The following DDX18 variants were observed in gnomAD, a reference collection of about 807,000 sequenced individuals.
DDX18 encodes the protein DEAD-box helicase 18, also known as ATP-dependent RNA helicase DDX18.
In DDX18, 23 loss-of-function variants were observed where a neutral mutation model predicts 73.5. The observed-to-expected ratio is 0.31, with a 90% CI of 0.23 to 0.44. The LOEUF is 0.44. Among genes scored for constraint, DDX18 ranks in the 20% least tolerant of loss-of-function variants. DDX18 has a pLI of 1.00. For missense variants in DDX18, 753 were observed against 792.9 expected (o/e 0.95, Z 0.60); for synonymous variants, 268 against 282.7 (o/e 0.95, Z 0.52).
At position 117,821,742 on chromosome 2, in the gene DDX18, C is replaced by G. The variant is rs769862731; in HGVS notation, c.743C>G (p.Pro248Arg). Reference sequence around the variant, plus strand: ...CTCATTGTTAAGTTAAGGTTCATGCCCAGGAATGGTAAGCGTTCATCTGCT... The same window carrying G: ...CTCATTGTTAAGTTAAGGTTCATGCGCAGGAATGGTAAGCGTTCATCTGCT... ...VELIVKLRFMPRNGTGVLILS... is the reference protein window; with the variant it reads ...VELIVKLRFMRRNGTGVLILS... Residue 248 changes from proline to arginine, a missense_variant, in exon 5 of 14, where the codon CCC (proline) becomes CGC (arginine). Physicochemically the swap from Pro to Arg is moderately radical, Grantham distance 103. Coordinates refer to ENST00000263239, the MANE Select transcript of DDX18 (RefSeq NM_006773.4). The G allele has an allele frequency of 1.2e-6, 2 of 1,613,850 alleles. No homozygotes were observed. The highest frequency in any genetic ancestry group is 1.7e-5 in the Admixed American group (1 of 59,972).
intron 7 of DDX18, 98 bp downstream of exon 7, chr2:117,822,359 C>T: frequency 4.5e-6 from 4 of 889,742 alleles, no homozygotes; most frequent in South Asian, 3.0e-5. Context: ...AGAACTTTAC[C>T]ATAGCCAAGT....
At chr2:117,830,356 T>C (rs1680000674) in intron 13 of DDX18, among the ~76,000 whole-genome samples, 1 of 152,224 alleles carries the variant, frequency 6.6e-6, no homozygotes, top group Admixed American at 6.5e-5. Context: ...AATATGACTA[T>C]TACACACCGA....
intron 1 of DDX18, among the ~76,000 whole-genome samples, chr2:117,815,533 G>A (rs1679743063): frequency 6.6e-6 from 1 of 152,170 alleles, no homozygotes; most frequent in African/African-American, 2.4e-5. Context: ...TCCAGGTTAA[G>A]ATACAAACTC....
In DDX18 at chr2:117,815,520, T is replaced by G. The variant is rs182701334; in HGVS notation, c.85+658T>G. On this transcript the variant is annotated intron_variant, in intron 1 of 13. Coordinates refer to ENST00000263239, the MANE Select transcript of DDX18 (RefSeq NM_006773.4). ...ATCTTGAAGTAATTGTGTTAACCTG[T>G]TGTCCAGGTTAAGATACAAACTCCC... 3.5e-4 allele frequency among the ~76,000 whole-genome samples: 54 copies of G among 152,318 alleles called. 1 individual carries two copies. Among genetic ancestry groups the G allele is most frequent in the Non-Finnish European group, 6.9e-4 (47 of 68,032 alleles).
intron 7 of DDX18, among the ~76,000 whole-genome samples, chr2:117,822,989 T>C (rs1290772835): frequency 5.3e-5 from 8 of 152,202 alleles, no homozygotes; most frequent in Non-Finnish European, 1.2e-4. Flanking sequence ...AGTTGGTATA[T>C]GTTTAGTGTA....
intron 11 of DDX18, chr2:117,827,108 C>G (rs907938084): frequency 6.6e-6 from 1 of 152,288 alleles, no homozygotes; most frequent in African/African-American, 2.4e-5. Flanking sequence ...CCTTCTCCTG[C>G]CTGACATTTA....
rs766692355 is a variant in DDX18 at position 117,828,939 on chromosome 2, T to G, written c.1636-10T>G. ...CCTGGTTTACTAATCTTAATACTTTTGATTTCTAGGTTCCATTAAGTGAAT... is the reference window on the plus strand; with the variant it reads ...CCTGGTTTACTAATCTTAATACTTTGGATTTCTAGGTTCCATTAAGTGAAT... On this transcript the variant is annotated splice_polypyrimidine_tract_variant and intron_variant, in intron 11 of 13. Transcript: ENST00000263239. 6 of 1,586,326 alleles carry G rather than the reference T, an allele frequency of 3.8e-6. No homozygotes were observed. The Admixed American group carries it at 1.0e-4, about 27-fold the overall frequency.
chr2:117,820,280 A>T (rs1050706265), intron 3 of DDX18, among the ~76,000 whole-genome samples: 2 of 152,238 alleles, frequency 1.3e-5, no homozygotes, highest in African/African-American at 4.8e-5. Flanking sequence ...TGCTTAATCC[A>T]AATTGCAAAC....
chr2:117,830,703 C>A lies in DDX18; in HGVS notation c.1992C>A (p.Asp664Glu), dbSNP rs1217606193. The A allele has an allele frequency of 2.5e-6, 4 of 1,613,600 alleles. No homozygotes were observed. The highest frequency in any genetic ancestry group is 3.4e-6 in the Non-Finnish European group (4 of 1,179,706). Residue 664 changes from aspartate (D) to glutamate (E), a missense_variant, in exon 14 of 14, where the codon GAC (aspartate) becomes GAA (glutamate). Transcript: ENST00000263239. ...IFKHISKKSSDSRQFSH is the reference protein window; with the variant it reads ...IFKHISKKSSESRQFSH ...AACACATTAGCAAGAAATCATCTGA[C>A]AGCAGGCAGTTCTCTCACTGAACAC... is the stretch of plus-strand genomic sequence containing the variant.
intron 1 of DDX18, among the ~76,000 whole-genome samples, chr2:117,816,893 A>G (rs754274420): frequency 2.0e-4 from 30 of 152,196 alleles, no homozygotes; most frequent in Non-Finnish European, 3.1e-4. Context: ...TGTTGTCCTT[A>G]ATTCACAGAA....
At chr2:117,814,932 G>C (rs1041768964) in intron 1 of DDX18, 70 bp downstream of exon 1, 4 of 1,508,518 alleles carry the variant, frequency 2.7e-6, no homozygotes, top group Non-Finnish European at 3.7e-6. Context: ...GGCGGCCGGG[G>C]GCCCAGCTGC....
At chr2:117,821,135 C>T in intron 3 of DDX18, 26 bp from the exon 4 acceptor site, 2 of 1,494,162 alleles carry the variant, frequency 1.3e-6, no homozygotes, top group Non-Finnish European at 8.9e-7. Flanking sequence ...GATAAATTTG[C>T]TAATGATAAA....
In DDX18 at chr2:117,824,562, G is replaced by C; in HGVS notation, c.1067-7G>C. The C allele has an allele frequency of 2.9e-6, 4 of 1,395,570 alleles. No individual in the cohort carries two copies. Among genetic ancestry groups the C allele is most frequent in the Non-Finnish European group, 3.7e-6 (4 of 1,068,988 alleles). 86.4% of individuals were successfully genotyped at this position (1,395,570 alleles called of 1,614,324 possible). A position where few individuals can be genotyped will look rare whatever the true frequency, so the allele number is the denominator to read the frequency against. The stretch of plus-strand genomic sequence containing the variant: ...ATTGGGGTTATTTTTATATGTATCT[G>C]TTTCAGCACGTAGACAGACTATGCT... On this transcript the variant is annotated splice_polypyrimidine_tract_variant and splice_region_variant and intron_variant, in intron 7 of 13. Coordinates refer to ENST00000263239, the MANE Select transcript of DDX18 (RefSeq NM_006773.4).
Position 117,829,281 on chromosome 2 carries a change from T to C in DDX18, c.1693-8T>C. 6.3e-7 allele frequency: 1 copy of C among 1,577,412 alleles called. No homozygotes were observed. The highest frequency in any genetic ancestry group is 8.6e-7 in the Non-Finnish European group (1 of 1,165,852). On this transcript the variant is annotated splice_region_variant and splice_polypyrimidine_tract_variant and intron_variant, in intron 12 of 13. Transcript: ENST00000263239. ...GTTTATTAAAACCAGTGTTTCTTTC[T>C]ATTTCAGCTTGAGAAATTGATTGAA...
At position 117,822,395 on chromosome 2, in the gene DDX18, A is replaced by G. The variant is rs189697146; in HGVS notation, c.1066+134A>G. On this transcript the variant is annotated intron_variant, in intron 7 of 13. Transcript: ENST00000263239. ...GAGGTAGTTGTGCCAATTAACCCGAAAGGTAATTTGGAATACAAGCATCAA... is the reference window on the plus strand; with the variant it reads ...GAGGTAGTTGTGCCAATTAACCCGAGAGGTAATTTGGAATACAAGCATCAA... 221 of 650,192 alleles carry G rather than the reference A, an allele frequency of 3.4e-4. No individual in the cohort carries two copies. In the African/African-American group the frequency reaches 3.8e-3, roughly 11 times the overall value. 40.3% of individuals were successfully genotyped at this position (650,192 alleles called of 1,614,324 possible). A position where few individuals can be genotyped will look rare whatever the true frequency, so the allele number is the denominator to read the frequency against.
In DDX18 at chr2:117,821,998, G is replaced by A. The variant is rs1332080042; in HGVS notation, c.888G>A (p.Gln296=). ...MGGSNRSAEA[Q]KLGNGINIIV... is the part of the protein sequence containing the mutation. Reference sequence around the variant, plus strand: ...GCAGTAACAGATCTGCTGAAGCACAGAAACTTGGTAATGGGATCAACATCA... The same window carrying A: ...GCAGTAACAGATCTGCTGAAGCACAAAAACTTGGTAATGGGATCAACATCA... The change falls in exon 6 of 14, where the codon CAG becomes CAA. Residue 296 remains glutamine, a synonymous_variant. Transcript: ENST00000263239. The A allele has an allele frequency of 6.2e-7, 1 of 1,613,982 alleles. No homozygotes were observed. Among genetic ancestry groups the A allele is most frequent in the African/African-American group, 1.3e-5 (1 of 74,928 alleles).
chr2:117,819,161 G>T (rs1679805267), intron 2 of DDX18, among the ~76,000 whole-genome samples: 1 of 152,160 alleles, frequency 6.6e-6, no homozygotes, highest in Non-Finnish European at 1.5e-5. Context: ...GTAGAAATGA[G>T]GGTGGGAAGA....
chr2:117,825,397 T>A (rs1210032856), intron 9 of DDX18, 50 bp from the exon 10 acceptor site: 1 of 1,586,622 alleles, frequency 6.3e-7, no homozygotes, highest in African/African-American at 1.3e-5. Context: ...GTTCTACTGC[T>A]AGTCTTCCTC....
At chr2:117,816,148 C>T (rs1279503217) in intron 1 of DDX18, among the ~76,000 whole-genome samples, 1 of 152,148 alleles carries the variant, frequency 6.6e-6, no homozygotes, top group South Asian at 2.1e-4. Context: ...TTACCCTGAG[C>T]GAGTCAGTGA....
Sources: gnomAD v4.1 joint callset for allele counts (sites outside exome capture counted in the v4.1 genomes callset) on GRCh38, gnomAD v4.1.1 for gene constraint, MANE v1.5 for transcripts, NCBI Gene and HGNC (gene_info 2026-07-23, HGNC 2026-07-21) for gene names.